Variants in LCORL observed in about 807,000 individuals in gnomAD.
The protein encoded by LCORL is ligand dependent nuclear receptor corepressor like.
In LCORL, 41 loss-of-function variants were observed where a neutral mutation model predicts 141.8. The observed-to-expected ratio is 0.29, with a 90% CI of 0.23 to 0.38. The LOEUF (loss-of-function observed/expected upper bound fraction) is 0.38, where lower values mean the gene tolerates loss of function less well. Ranked by LOEUF, LCORL falls within the 10% of genes least tolerant of loss-of-function variation. LCORL has a pLI of 1.00. For missense variants in LCORL, 1,759 were observed against 2,035.0 expected (o/e 0.86, Z 2.61); for synonymous variants, 618 against 694.1 (o/e 0.89, Z 1.72).
intron 1 of LCORL, among the ~76,000 whole-genome samples, chr4:17,976,183 G>C (rs1716924500): frequency 6.6e-6 from 1 of 152,170 alleles, no homozygotes; most frequent in Non-Finnish European, 1.5e-5. Context: ...GGACAATAGA[G>C]TTGAATCTTG....
chr4:17,931,506 T>G (rs1237405995), intron 4 of LCORL, among the ~76,000 whole-genome samples: 1 of 152,074 alleles, frequency 6.6e-6, no homozygotes, highest in African/African-American at 2.4e-5. Flanking sequence ...GATTCTTATA[T>G]GTAGTTTTTT....
intron 1 of LCORL, among the ~76,000 whole-genome samples, chr4:18,007,679 T>C (rs1282667321): frequency 6.6e-6 from 1 of 152,180 alleles, no homozygotes; most frequent in Non-Finnish European, 1.5e-5. Context: ...ATGGCCATGC[T>C]TCTTTCAACA....
chr4:17,930,654 G>A (rs994224784), intron 4 of LCORL, among the ~76,000 whole-genome samples: 1 of 152,146 alleles, frequency 6.6e-6, no homozygotes, highest in African/African-American at 2.4e-5. Flanking sequence ...TGTCATGACT[G>A]TCATGTATCA....
chr4:17,876,700 C>T (rs1415264082), exon 7 of LCORL: 1 of 1,230,664 alleles, frequency 8.1e-7, no homozygotes, highest in Admixed American at 4.2e-5. Context: ...CCAGAAACAT[C>T]ATTTCTCAAA....
intron 1 of LCORL, among the ~76,000 whole-genome samples, chr4:18,003,592 T>C (rs949575354): frequency 1.3e-5 from 2 of 152,190 alleles, no homozygotes; most frequent in Non-Finnish European, 2.9e-5. Flanking sequence ...ATCCTAATAT[T>C]AGAATACCTG....
At chr4:17,952,647 C>T (rs1272703274) in intron 4 of LCORL, among the ~76,000 whole-genome samples, 3 of 152,122 alleles carry the variant, frequency 2.0e-5, no homozygotes, top group Non-Finnish European at 1.5e-5. Context: ...GATCTCCTGA[C>T]CTCGTGATCC....
chr4:17,871,298 A>C (rs538219287), intron 7 of LCORL, among the ~76,000 whole-genome samples: 2 of 152,120 alleles, frequency 1.3e-5, no homozygotes, highest in East Asian at 3.9e-4. Flanking sequence ...AAAGATAGAT[A>C]AAACTTTAAG....
Position 17,888,620 on chromosome 4 carries a change from T to C in LCORL, c.683-2459A>G, listed in dbSNP as rs888679739. Among the ~76,000 whole-genome samples, 13 of 152,276 alleles carry C rather than the reference T, an allele frequency of 8.5e-5. No homozygotes were observed. In the South Asian group the frequency reaches 1.0e-3, roughly 12 times the overall value. On this transcript the variant is annotated intron_variant, in intron 5 of 7. Coordinates refer to ENST00000635767, the Ensembl canonical transcript of LCORL. ...CGTGGACAGCATCCTATAATACTTATGAAACTATCATGCAATTATTGATTT... is the reference window on the plus strand; with the variant it reads ...CGTGGACAGCATCCTATAATACTTACGAAACTATCATGCAATTATTGATTT...
At chr4:17,883,310 T>C (rs1366837850) in intron 6 of LCORL, 28 of 994,296 alleles carry the variant, frequency 2.8e-5, no homozygotes, top group Non-Finnish European at 3.2e-5. Context: ...TTATAAACTA[T>C]GAATATCATA....
chr4:17,864,947 G>C (rs1725465234), intron 7 of LCORL, among the ~76,000 whole-genome samples: 1 of 152,112 alleles, frequency 6.6e-6, no homozygotes, highest in Non-Finnish European at 1.5e-5. Flanking sequence ...TTAATAAAAA[G>C]TACCTAACAA....
chr4:17,854,791 TTTTCTC>T (rs1452173234), intron 7 of LCORL, among the ~76,000 whole-genome samples: 1 of 152,208 alleles, frequency 6.6e-6, no homozygotes, highest in Non-Finnish European at 1.5e-5. Flanking sequence ...TTTATAGACT[TTTTCTC>T]TACTTGCTTG....
At chr4:17,974,830 T>A (rs1716639758) in intron 1 of LCORL, among the ~76,000 whole-genome samples, 2 of 152,288 alleles carry the variant, frequency 1.3e-5, no homozygotes, top group African/African-American at 4.8e-5. Context: ...TCAGTTTTGG[T>A]AATTTGTATA....
chr4:17,878,895 T>C (rs1259629545), intron 6 of LCORL, among the ~76,000 whole-genome samples: 2 of 151,268 alleles, frequency 1.3e-5, no homozygotes, highest in African/African-American at 4.8e-5. Context: ...GAAACTAATA[T>C]ACATCTAACT....
Position 17,876,132 on chromosome 4 carries a change from A to G in LCORL, c.2858T>C (p.Val953Ala), listed in dbSNP as rs138291104. The change falls in exon 7 of 8, where the codon GTT (valine) becomes GCT (alanine). Residue 953 changes from valine (V) to alanine (A), a missense_variant. Coordinates refer to ENST00000635767, the Ensembl canonical transcript of LCORL. Reference sequence around the variant, plus strand: ...TTTGATAGGACTAGAATAGTTGGAAACAGATGAACTTTCAGTACCTTCATA... The same window carrying G: ...TTTGATAGGACTAGAATAGTTGGAAGCAGATGAACTTTCAGTACCTTCATA... The G allele has an allele frequency of 3.2e-6, 4 of 1,231,048 alleles. No homozygotes were observed. The African/African-American group carries it at 4.7e-5, about 14-fold the overall frequency. The allele number at this position is 1,231,048 out of a possible 1,614,324, so 76.3% of individuals were successfully genotyped here. A position where few individuals can be genotyped will look rare whatever the true frequency, so the allele number is the denominator to read the frequency against.
At chr4:17,978,526 A>G (rs1717397031) in intron 1 of LCORL, among the ~76,000 whole-genome samples, 1 of 151,260 alleles carries the variant, frequency 6.6e-6, no homozygotes, top group East Asian at 1.9e-4. Flanking sequence ...TGAGCCAGAA[A>G]TTGGAGTCTG....
chr4:17,914,409 T>C (rs1416120099), intron 4 of LCORL, among the ~76,000 whole-genome samples: 1 of 152,222 alleles, frequency 6.6e-6, no homozygotes, highest in African/African-American at 2.4e-5. Context: ...AGGGCTATAC[T>C]TTAGGATTGA....
rs1012114420 is a variant in LCORL, at chr4:17,874,027, T to C, written c.4963A>G (p.Ile1655Val). ...GGCAAAACACACTGATTATCTACTA[T>C]GCTTTTTCCTTGGAGTGGGATGTCA... Residue 1655 changes from isoleucine to valine, a missense_variant, in exon 7 of 8, where the codon ATA becomes GTA. Physicochemically the swap from Ile to Val is conservative, Grantham distance 29. Around this residue, in one of 5 missense-constraint regions of LCORL, gnomAD observed 313 missense variants for 336.1 expected, o/e 0.93. Coordinates refer to ENST00000635767, the Ensembl canonical transcript of LCORL. The C allele has an allele frequency of 7.3e-6, 9 of 1,234,088 alleles. No homozygotes were observed. The African/African-American group carries it at 1.1e-4, about 15-fold the overall frequency. 76.4% of individuals were successfully genotyped at this position (1,234,088 alleles called of 1,614,324 possible). A position where few individuals can be genotyped will look rare whatever the true frequency, so the allele number is the denominator to read the frequency against.
exon 8 of LCORL, chr4:17,843,385 A>AACTT (rs1206761197): frequency 6.2e-7 from 1 of 1,611,926 alleles, no homozygotes; most frequent in Non-Finnish European, 8.5e-7. Context: ...GAAAAAAGTA[A>AACTT]ACTTAACCTT....
intron 1 of LCORL, among the ~76,000 whole-genome samples, chr4:17,995,743 C>T (rs1720815236): frequency 6.6e-6 from 1 of 152,092 alleles, no homozygotes; most frequent in Non-Finnish European, 1.5e-5. Flanking sequence ...ACTAGTCTCA[C>T]CCTCTCATTA....
Sources: allele counts gnomAD v4.1 joint callset (sites outside exome capture counted in the v4.1 genomes callset), GRCh38; gene constraint gnomAD v4.1.1; regional missense constraint gnomAD v4.1.1; transcripts MANE v1.5; gene names NCBI Gene and HGNC (gene_info 2026-07-23, HGNC 2026-07-21).